Variants in PKD2L2 observed in about 807,000 individuals in gnomAD.
PKD2L2 encodes the protein polycystin 2 like 2, transient receptor potential cation channel.
Under a neutral mutation model 83.9 loss-of-function variants are expected in PKD2L2, and 67 were observed. That is an observed-to-expected ratio of 0.80 (90% CI 0.66 to 0.98). The LOEUF is 0.98. PKD2L2 is among the 50% of genes least tolerant of loss of function. The probability of loss-of-function intolerance (pLI) is 0.00; values close to 1 mark genes in which losing one functional copy is unlikely to be tolerated. For missense variants in PKD2L2, 632 were observed against 717.2 expected (o/e 0.88, Z 1.36); for synonymous variants, 223 against 237.8 (o/e 0.94, Z 0.57).
intron 8 of PKD2L2, among the ~76,000 whole-genome samples, chr5:137,918,876 T>G (rs1271650466): frequency 6.8e-6 from 1 of 146,306 alleles, no homozygotes; most frequent in Non-Finnish European, 1.5e-5. Context: ...CCAGACGAAA[T>G]AGTTGAGAAA....
intron 14 of PKD2L2, among the ~76,000 whole-genome samples, chr5:137,937,632 G>C (rs151132081): frequency 6.6e-6 from 1 of 152,298 alleles, no homozygotes; most frequent in East Asian, 1.9e-4. Flanking sequence ...GACATTTTTA[G>C]ATTACTACTC....
At chr5:137,911,415 T>TA (rs1261759000) in intron 8 of PKD2L2, among the ~76,000 whole-genome samples, 1 of 152,242 alleles carries the variant, frequency 6.6e-6, no homozygotes, top group Non-Finnish European at 1.5e-5. Flanking sequence ...CTATTGTGAA[T>TA]AACAGTGCTG....
At chr5:137,936,531 C>A (rs1034275694) in intron 14 of PKD2L2, 104 bp downstream of exon 14, 2 of 824,974 alleles carry the variant, frequency 2.4e-6, no homozygotes, top group Admixed American at 5.3e-5. Context: ...TCTCGGCTCA[C>A]TGCAAACTCC....
At chr5:137,942,295 A>T in intron 14 of PKD2L2, 89 bp from the exon 15 acceptor site, 1 of 458,644 alleles carries the variant, frequency 2.2e-6, no homozygotes, top group South Asian at 4.1e-5. Context: ...AAAGAAGTGG[A>T]TATAGAACAA....
intron 12 of PKD2L2, among the ~76,000 whole-genome samples, chr5:137,927,589 T>A (rs1242622935): frequency 6.6e-6 from 1 of 152,244 alleles, no homozygotes; most frequent in Non-Finnish European, 1.5e-5. Context: ...TAATTTTTTA[T>A]TCTGATGGTT....
chr5:137,941,488 T>C (rs574117514), intron 14 of PKD2L2, among the ~76,000 whole-genome samples: 99 of 152,162 alleles, frequency 6.5e-4, no homozygotes, highest in Non-Finnish European at 1.2e-3. Context: ...TACTGTATTA[T>C]AGGAGCCACA....
Position 137,935,900 on chromosome 5 carries a change from A to C in PKD2L2, c.1775A>C (p.Glu592Ala), listed in dbSNP as rs373884287. 1.0e-4 allele frequency: 160 copies of C among 1,536,926 alleles called. No individual in the cohort carries two copies. The highest frequency in any genetic ancestry group is 4.7e-4 in the Admixed American group (28 of 59,714). ...QDDYQPVTQE[E>A]FRELFLYAVE... ...GACTACCAGCCTGTCACTCAAGAAG[A>C]ATTTCGAGAGTAAGCTTATGTTCTA... The change falls in exon 13 of 15, where the codon GAA becomes GCA. Residue 592 changes from glutamate to alanine, a missense_variant. This residue lies in a region of PKD2L2 where 399 missense variants were observed against 416.9 expected (regional missense o/e 0.96). Transcript: ENST00000508883.
chr5:137,923,044 C>T (rs1347617408), intron 9 of PKD2L2, among the ~76,000 whole-genome samples: 3 of 149,186 alleles, frequency 2.0e-5, no homozygotes, highest in Admixed American at 6.7e-5. Context: ...CGGAGTCTTG[C>T]TCTGTCACCC....
At chr5:137,904,441 A>G (rs1236832742) in intron 5 of PKD2L2, among the ~76,000 whole-genome samples, 1 of 152,234 alleles carries the variant, frequency 6.6e-6, no homozygotes, top group Non-Finnish European at 1.5e-5. Flanking sequence ...ACTATGCCAT[A>G]AAAAGAATGC....
intron 8 of PKD2L2, among the ~76,000 whole-genome samples, chr5:137,909,538 ATTTTT>A (rs144393648): frequency 2.0e-4 from 17 of 85,308 alleles, no homozygotes; most frequent in Admixed American, 2.6e-4. Context: ...GACAAAAGAA[ATTTTT>A]TTTTTTTTTT....
chr5:137,936,486 C>T lies in PKD2L2; in HGVS notation c.*17+59C>T, dbSNP rs1236419246. ...TTTTTTTTTTTTTGAGACGGAGTCT[C>T]GCTCTAACGCCCAGGCTGGAGTGCA... On this transcript the variant is annotated intron_variant, in intron 14 of 14. Coordinates refer to ENST00000508883, the MANE Select transcript of PKD2L2 (RefSeq NM_001300921.2). 2.1e-5 allele frequency: 30 copies of T among 1,405,194 alleles called. No individual in the cohort carries two copies. In the East Asian group the frequency reaches 2.6e-4, roughly 12 times the overall value. The allele number at this position is 1,405,194 out of a possible 1,614,324, so 87.0% of individuals were successfully genotyped here.
chr5:137,923,426 T>C lies in PKD2L2; in HGVS notation c.1456T>C (p.Phe486Leu), dbSNP rs1410985461. Residue 486 changes from phenylalanine to leucine, a missense_variant, in exon 10 of 15, where the codon TTC becomes CTC. By Grantham distance (22) the Phe-to-Leu change is conservative. This residue lies in a region of PKD2L2 where 399 missense variants were observed against 416.9 expected (regional missense o/e 0.96). Transcript: ENST00000508883. Reference sequence around the variant, plus strand: ...TTTGAATACTTATCCCTAGAATATGTTCTTGGCAATTATTAATGATACCTA... The same window carrying C: ...TTTGAATACTTATCCCTAGAATATGCTCTTGGCAATTATTAATGATACCTA... Reference protein sequence around the residue: ...FFVFFVLLNMFLAIINDTYSE... With the variant: ...FFVFFVLLNMLLAIINDTYSE... The C allele has an allele frequency of 2.9e-6, 4 of 1,387,868 alleles. No individual in the cohort carries two copies. Among genetic ancestry groups the C allele is most frequent in the East Asian group, 2.3e-5 (1 of 43,768 alleles). The allele number at this position is 1,387,868 out of a possible 1,614,324, so 86.0% of individuals were successfully genotyped here.
chr5:137,940,496 T>A, intron 14 of PKD2L2: 1 of 596,380 alleles, frequency 1.7e-6, no homozygotes, highest in Non-Finnish European at 2.9e-6. Flanking sequence ...GTTATTGAAC[T>A]AATACCCTCA....
At chr5:137,916,845 G>C (rs1366436059) in intron 8 of PKD2L2, among the ~76,000 whole-genome samples, 1 of 152,026 alleles carries the variant, frequency 6.6e-6, no homozygotes, top group East Asian at 1.9e-4. Flanking sequence ...CAAAGTTTCT[G>C]ATGAGAAATA....
rs748865502 is a variant in PKD2L2, at chr5:137,925,036, CCA to C, written c.1552-3_1552-2del. On this transcript the variant is annotated splice_acceptor_variant and splice_polypyrimidine_tract_variant and intron_variant, in intron 10 of 14. Coordinates refer to ENST00000508883, the MANE Select transcript of PKD2L2 (RefSeq NM_001300921.2). LOFTEE classifies it high-confidence loss of function. ...ATTTTCAAACTATTTTAAATTATGC[CCA>C]GAGTTACAAAAATGTTCTCGAGAAA... 1.3e-5 allele frequency: 20 copies of C among 1,555,698 alleles called. No individual in the cohort carries two copies. In the East Asian group the frequency reaches 4.3e-4, roughly 33 times the overall value.
At chr5:137,923,700 TA>T (rs1311295948) in intron 10 of PKD2L2, among the ~76,000 whole-genome samples, 179 bp downstream of exon 10, 1 of 152,228 alleles carries the variant, frequency 6.6e-6, no homozygotes. Context: ...ATTATTTCAT[TA>T]TTACAGAAGT....
intron 1 of PKD2L2, 87 bp downstream of exon 1, chr5:137,889,609 G>T (rs373123546): frequency 3.3e-6 from 4 of 1,225,462 alleles, no homozygotes; most frequent in Middle Eastern, 4.0e-4. Context: ...CCCCAAATTC[G>T]TTTGAGAGAT....
chr5:137,929,950 A>G (rs1304210472), intron 12 of PKD2L2, among the ~76,000 whole-genome samples: 1 of 152,204 alleles, frequency 6.6e-6, no homozygotes, highest in Non-Finnish European at 1.5e-5. Flanking sequence ...CAAATGACCT[A>G]AAGTCTAAAC....
rs919576060 is a variant in PKD2L2 at position 137,896,292 on chromosome 5, C to T, written c.524+1683C>T. The stretch of plus-strand genomic sequence containing the variant: ...TTTCCTACTCATAATTTCCACTCTC[C>T]AGAAGCAGCTACTTTTAACTCTTTT... On this transcript the variant is annotated intron_variant, in intron 4 of 14. Transcript: ENST00000508883. 1.1e-4 allele frequency among the ~76,000 whole-genome samples: 17 copies of T among 152,132 alleles called. No homozygotes were observed. In the East Asian group the frequency reaches 1.5e-3, roughly 14 times the overall value.
Sources: gnomAD v4.1 joint callset for allele counts (sites outside exome capture counted in the v4.1 genomes callset) on GRCh38, gnomAD v4.1.1 for gene constraint, gnomAD v4.1.1 regional missense constraint, MANE v1.5 for transcripts, NCBI Gene and HGNC (gene_info 2026-07-23, HGNC 2026-07-21) for gene names.